PPM1D: variants seen among roughly 807,000 people sequenced by gnomAD.
PPM1D encodes the protein protein phosphatase 1D.
Under a neutral mutation model 58.3 loss-of-function variants are expected in PPM1D, and 52 were observed. The ratio of observed to expected loss-of-function variants is 0.89; its 90% CI spans 0.71 to 1.12. The LOEUF (loss-of-function observed/expected upper bound fraction) is 1.12. Ranked by LOEUF, PPM1D falls within the 50% of genes most tolerant of loss-of-function variation. PPM1D has a pLI of 0.00. For synonymous variants in PPM1D, 278 were observed against 285.1 expected (o/e 0.98, Z 0.25); for missense variants, 564 against 777.2 (o/e 0.73, Z 3.26).
At chr17:60,658,982 C>T (rs961569285) in intron 5 of PPM1D, among the ~76,000 whole-genome samples, 1 of 150,166 alleles carries the variant, frequency 6.7e-6, no homozygotes, top group Non-Finnish European at 1.5e-5. Context: ...AATAATAATT[C>T]TGATAATGAC....
Position 60,600,593 on chromosome 17 carries a change from G to A in PPM1D, c.179G>A (p.Gly60Asp), listed in dbSNP as rs774135477. 1.3e-5 allele frequency: 21 copies of A among 1,557,326 alleles called. No individual in the cohort carries two copies. Among genetic ancestry groups the A allele is most frequent in the Middle Eastern group, 1.7e-4 (1 of 5,754 alleles). The change falls in exon 1 of 6, where the codon GGC becomes GAC. Residue 60 changes from glycine to aspartate, a missense_variant. Transcript: ENST00000305921. ...PPRPSPAALP[G>D]GEVSGKGPAV... Reference sequence around the variant, plus strand: ...CGGCCGTCGCCGGCCGCCCTTCCCGGCGGCGAAGTCTCGGGGAAAGGCCCA... The same window carrying A: ...CGGCCGTCGCCGGCCGCCCTTCCCGACGGCGAAGTCTCGGGGAAAGGCCCA...
intron 1 of PPM1D, among the ~76,000 whole-genome samples, chr17:60,604,307 A>G (rs1208690067): frequency 6.6e-6 from 1 of 152,248 alleles, no homozygotes; most frequent in African/African-American, 2.4e-5. Flanking sequence ...ACAATTAGAA[A>G]TGTATCATTG....
chr17:60,600,426 G>A lies in PPM1D; in HGVS notation c.12G>A (p.Leu4=), dbSNP rs1170080371. The stretch of plus-strand genomic sequence containing the variant: ...CCGGCCAGCCGGCCATGGCGGGGCT[G>A]TACTCGCTGGGAGTGAGCGTCTTCT... MAG[L]YSLGVSVFSD... is the part of the protein sequence containing the mutation. The change falls in exon 1 of 6, where the codon CTG becomes CTA. Residue 4 remains leucine (L), a synonymous_variant. Transcript: ENST00000305921. 6.4e-7 allele frequency: 1 copy of A among 1,550,540 alleles called. No individual in the cohort carries two copies. Among genetic ancestry groups the A allele is most frequent in the African/African-American group, 1.4e-5 (1 of 72,878 alleles).
intron 5 of PPM1D, among the ~76,000 whole-genome samples, chr17:60,661,443 T>A (rs2031524743): frequency 6.6e-6 from 1 of 152,054 alleles, no homozygotes; most frequent in Non-Finnish European, 1.5e-5. Flanking sequence ...ATTAAGACAA[T>A]GATTTTATGA....
chr17:60,623,983 C>T (rs2030755082), intron 2 of PPM1D, among the ~76,000 whole-genome samples: 1 of 152,010 alleles, frequency 6.6e-6, no homozygotes, highest in Non-Finnish European at 1.5e-5. Flanking sequence ...TTCAGTGAGC[C>T]CCAAGGAAAC....
rs2031417980 is a variant in PPM1D, at chr17:60,655,375, G to A, written c.1018-1224G>A. On this transcript the variant is annotated intron_variant, in intron 4 of 5. Transcript: ENST00000305921. ...GTTGTTGTTGTTGTTTTGAGACGGA[G>A]TCTCGCTCTGTCGCCCAGGCGGGAG... Among the ~76,000 whole-genome samples the A allele has an allele frequency of 2.0e-5, 3 of 152,334 alleles. No homozygotes were observed. In the South Asian group the frequency reaches 6.2e-4, roughly 32 times the overall value.
rs1345742957 is a variant in PPM1D, at chr17:60,666,238, T to A, written c.*2686T>A. The A allele has an allele frequency of 2.0e-5, 3 of 152,108 alleles. No homozygotes were observed. Among genetic ancestry groups the A allele is most frequent in the Non-Finnish European group, 2.9e-5 (2 of 68,020 alleles). The allele number at this position is 152,108 out of a possible 1,614,324, so 9.4% of individuals were successfully genotyped here. A position where few individuals can be genotyped will look rare whatever the true frequency, so the allele number is the denominator to read the frequency against. On this transcript the variant is annotated 3_prime_UTR_variant, in exon 6 of 6. Coordinates refer to ENST00000305921, the MANE Select transcript of PPM1D (RefSeq NM_003620.4). ...AAGATTGCTCTAGTGGAGTAAAACATCTTAATGTATTTTGTCCCTAAATAA... is the reference window on the plus strand; with the variant it reads ...AAGATTGCTCTAGTGGAGTAAAACAACTTAATGTATTTTGTCCCTAAATAA...
intron 4 of PPM1D, among the ~76,000 whole-genome samples, chr17:60,652,814 A>C (rs2031370823): frequency 6.6e-6 from 1 of 151,980 alleles, no homozygotes; most frequent in Admixed American, 6.6e-5. Flanking sequence ...TCTTTTGAGA[A>C]ATGTGTATTT....
intron 3 of PPM1D, among the ~76,000 whole-genome samples, chr17:60,634,895 G>T (rs916257376): frequency 1.3e-5 from 2 of 152,046 alleles, no homozygotes; most frequent in Non-Finnish European, 1.5e-5. Context: ...ATCCTCCCAC[G>T]TTAGCCTCCC....
intron 4 of PPM1D, among the ~76,000 whole-genome samples, chr17:60,656,192 ACAC>A (rs2031435335): frequency 6.6e-6 from 1 of 151,888 alleles, no homozygotes; most frequent in Non-Finnish European, 1.5e-5. Flanking sequence ...GCAGTGGCTC[ACAC>A]CTGTAATCCC....
rs2031580583 is a variant in PPM1D, at chr17:60,664,158, G to A, written c.*606G>A. On this transcript the variant is annotated 3_prime_UTR_variant, in exon 6 of 6. Transcript: ENST00000305921. ...CTTGTCCCAATTAAAATACTATGCA[G>A]TATCTCTTACATCAGTAGCATTTTT... is the stretch of plus-strand genomic sequence containing the variant. The A allele has an allele frequency of 6.5e-6, 1 of 152,822 alleles. No individual in the cohort carries two copies. The highest frequency in any genetic ancestry group is 6.5e-5 in the Admixed American group (1 of 15,288). 9.5% of individuals were successfully genotyped at this position (152,822 alleles called of 1,614,324 possible). A position where few individuals can be genotyped will look rare whatever the true frequency, so the allele number is the denominator to read the frequency against.
Position 60,663,705 on chromosome 17 carries a change from C to CTT in PPM1D, c.*154_*155dup. ...TCAGCAGTTTTATCCTGGCCTTGTA[C>CTT]TTGCTTGTATTGTAAATGTGGATTT... On this transcript the variant is annotated 3_prime_UTR_variant, in exon 6 of 6. Coordinates refer to ENST00000305921, the MANE Select transcript of PPM1D (RefSeq NM_003620.4). 1 of 775,190 alleles carries CTT rather than the reference C, an allele frequency of 1.3e-6. No individual in the cohort carries two copies. The highest frequency in any genetic ancestry group is 2.0e-6 in the Non-Finnish European group (1 of 500,742). 48.0% of individuals were successfully genotyped at this position (775,190 alleles called of 1,614,324 possible). A position where few individuals can be genotyped will look rare whatever the true frequency, so the allele number is the denominator to read the frequency against.
chr17:60,632,303 G>A (rs1308159708), intron 2 of PPM1D, among the ~76,000 whole-genome samples: 2 of 152,070 alleles, frequency 1.3e-5, no homozygotes, highest in African/African-American at 2.4e-5. Context: ...AAATCTATAT[G>A]TCTACAGCTG....
At chr17:60,643,048 C>T (rs531474816) in intron 3 of PPM1D, among the ~76,000 whole-genome samples, 4 of 140,584 alleles carry the variant, frequency 2.8e-5, no homozygotes, top group African/African-American at 1.1e-4. Flanking sequence ...GAGACTCCGT[C>T]TCAAAAGAAA....
At chr17:60,631,900 CG>C (rs993607946) in intron 2 of PPM1D, among the ~76,000 whole-genome samples, 3 of 151,976 alleles carry the variant, frequency 2.0e-5, no homozygotes, top group African/African-American at 4.8e-5. Context: ...TATTTCAGGC[CG>C]GGCGCGGTGG....
chr17:60,615,938 G>T (rs1338671568), intron 1 of PPM1D, among the ~76,000 whole-genome samples: 1 of 152,106 alleles, frequency 6.6e-6, no homozygotes, highest in Non-Finnish European at 1.5e-5. Context: ...GCATCCTCCT[G>T]CCTCAGCCTC....
At chr17:60,622,189 C>CAAA (rs527824050) in intron 1 of PPM1D, among the ~76,000 whole-genome samples, 1 of 105,548 alleles carries the variant, frequency 9.5e-6, no homozygotes, top group African/African-American at 3.6e-5. Context: ...GACTCTGTCT[C>CAAA]AAAAAAAAAA....
intron 1 of PPM1D, 69 bp from the exon 2 acceptor site, chr17:60,623,452 C>A: frequency 7.1e-7 from 1 of 1,408,572 alleles, no homozygotes; most frequent in Non-Finnish European, 9.6e-7. Flanking sequence ...GAGTTTGTTG[C>A]CATTTGTATC....
chr17:60,609,817 C>T (rs1426085720), intron 1 of PPM1D, among the ~76,000 whole-genome samples: 2 of 152,134 alleles, frequency 1.3e-5, no homozygotes, highest in Admixed American at 6.5e-5. Context: ...TATTGTTATA[C>T]TTGTTTTATT....
Sources: gnomAD v4.1 joint callset for allele counts (sites outside exome capture counted in the v4.1 genomes callset) on GRCh38, gnomAD v4.1.1 for gene constraint, MANE v1.5 for transcripts, NCBI Gene and HGNC (gene_info 2026-07-23, HGNC 2026-07-21) for gene names.